NAA15: variants seen among roughly 807,000 people sequenced by gnomAD.
NAA15 encodes the protein N-terminal acetyltransferase.
In NAA15, 34 loss-of-function variants were observed where a neutral mutation model predicts 114.0. That is an observed-to-expected ratio of 0.30 (90% CI 0.23 to 0.40). The LOEUF (loss-of-function observed/expected upper bound fraction) is 0.40. NAA15 is among the 10% of genes least tolerant of loss of function. The probability of loss-of-function intolerance (pLI) is 1.00; values close to 1 mark genes in which losing one functional copy is unlikely to be tolerated. For missense variants in NAA15, 658 were observed against 1,004.5 expected, an observed-to-expected ratio of 0.66 and a Z score of 4.66; for synonymous variants, 340 against 338.0, an observed-to-expected ratio of 1.01 and a Z score of -0.06.
chr4:139,389,239 T>C lies in NAA15; in HGVS notation c.*1155T>C, dbSNP rs1222406284. 1 of 152,480 alleles carries C rather than the reference T, an allele frequency of 6.6e-6. No individual in the cohort carries two copies. The highest frequency in any genetic ancestry group is 2.4e-5 in the African/African-American group (1 of 41,404). 9.4% of individuals were successfully genotyped at this position (152,480 alleles called of 1,614,324 possible). Reference sequence around the variant, plus strand: ...TTTCAAATAACAGACCAGCTTCTTTTTCTTGCAGTTACAGATGTAATTTCC... The same window carrying C: ...TTTCAAATAACAGACCAGCTTCTTTCTCTTGCAGTTACAGATGTAATTTCC... On this transcript the variant is annotated 3_prime_UTR_variant, in exon 20 of 20. Transcript: ENST00000296543.
At position 139,349,591 on chromosome 4, in the gene NAA15, T is replaced by C. The variant is rs1243477924; in HGVS notation, c.811+10T>C. 1 of 1,587,504 alleles carries C rather than the reference T, an allele frequency of 6.3e-7. No homozygotes were observed. The highest frequency in any genetic ancestry group is 1.4e-5 in the African/African-American group (1 of 72,840). ...AAAGCACTCAAGCCAGGTAGTATTG[T>C]TTAAAACTTACTAAGTTTTATTGTT... On this transcript the variant is annotated intron_variant, in intron 7 of 19. Coordinates refer to ENST00000296543, the MANE Select transcript of NAA15 (RefSeq NM_057175.5).
Position 139,351,666 on chromosome 4 carries a change from GA to G in NAA15, c.1014+57del, listed in dbSNP as rs1372866494. ...CTACCATTTCTTTGCTCGGTATTTG[GA>G]ATTATTGATTCTTGATTATCTCTGC... On this transcript the variant is annotated intron_variant, in intron 9 of 19. Coordinates refer to ENST00000296543, the MANE Select transcript of NAA15 (RefSeq NM_057175.5). The G allele has an allele frequency of 1.5e-5, 14 of 926,564 alleles. No individual in the cohort carries two copies. In the African/African-American group the frequency reaches 2.3e-4, roughly 15 times the overall value. The allele number at this position is 926,564 out of a possible 1,614,324, so 57.4% of individuals were successfully genotyped here.
chr4:139,330,787 G>T (rs760552660), intron 1 of NAA15, among the ~76,000 whole-genome samples: 1 of 152,092 alleles, frequency 6.6e-6, no homozygotes, highest in Non-Finnish European at 1.5e-5. Flanking sequence ...CTCCAGTCTG[G>T]GCCACAGAGT....
At chr4:139,340,262 C>T (rs1747337938) in intron 3 of NAA15, among the ~76,000 whole-genome samples, 1 of 152,192 alleles carries the variant, frequency 6.6e-6, no homozygotes, top group African/African-American at 2.4e-5. Context: ...GTGGAGGTTG[C>T]AGTGAGCAAA....
In NAA15 at chr4:139,313,910, C is replaced by T. The variant is rs1284741361; in HGVS notation, c.54+12079C>T. ...TCGGGACATGGAGATTCCTAAAAGT[C>T]GCTGCGCTTTGCAAAATCACGCAAT... On this transcript the variant is annotated intron_variant, in intron 1 of 19. Transcript: ENST00000296543. 7.3e-5 allele frequency among the ~76,000 whole-genome samples: 11 copies of T among 151,692 alleles called. 1 individual carries two copies. The highest frequency in any genetic ancestry group is 5.8e-4 in the East Asian group (3 of 5,162).
chr4:139,344,427 T>A (rs1747514413), intron 6 of NAA15, 88 bp downstream of exon 6: 9 of 1,075,402 alleles, frequency 8.4e-6, no homozygotes, highest in Non-Finnish European at 9.4e-6. Flanking sequence ...CAGTTTCATA[T>A]AATTCAGCTT....
At position 139,390,747 on chromosome 4, in the gene NAA15, GTATT is replaced by G. The variant is rs1222903517; in HGVS notation, c.*2668_*2671del. 1.3e-5 allele frequency: 2 copies of G among 152,122 alleles called. No individual in the cohort carries two copies. The highest frequency in any genetic ancestry group is 2.4e-5 in the African/African-American group (1 of 41,406). 9.4% of individuals were successfully genotyped at this position (152,122 alleles called of 1,614,324 possible). On this transcript the variant is annotated 3_prime_UTR_variant, in exon 20 of 20. Coordinates refer to ENST00000296543, the MANE Select transcript of NAA15 (RefSeq NM_057175.5). ...TATATTTTCAACATTTTTCTGTATCGTATTTATTATGCACAAAAATAAAGTGTGA... is the reference window on the plus strand; with the variant it reads ...TATATTTTCAACATTTTTCTGTATCGTATTATGCACAAAAATAAAGTGTGA...
At chr4:139,322,779 C>G (rs865794502) in intron 1 of NAA15, among the ~76,000 whole-genome samples, 4 of 151,944 alleles carry the variant, frequency 2.6e-5, no homozygotes, top group Admixed American at 6.6e-5. Context: ...GCAACCTCCA[C>G]CTCCTGGGTT....
In NAA15 at chr4:139,336,532, C is replaced by T. The variant is rs1424070948; in HGVS notation, c.140-316C>T. On this transcript the variant is annotated intron_variant, in intron 2 of 19. Coordinates refer to ENST00000296543, the MANE Select transcript of NAA15 (RefSeq NM_057175.5). ...TAATGAAGTAGATATGTAAGGTTAT[C>T]CCATGGAATTCCCCTGAAGAATGAA... Among the ~76,000 whole-genome samples, 3 of 151,794 alleles carry T rather than the reference C, an allele frequency of 2.0e-5. No homozygotes were observed. In the East Asian group the frequency reaches 5.8e-4, roughly 29 times the overall value.
intron 1 of NAA15, among the ~76,000 whole-genome samples, chr4:139,308,128 A>AT (rs978964572): frequency 3.3e-5 from 5 of 151,618 alleles, no homozygotes; most frequent in Non-Finnish European, 4.4e-5. Flanking sequence ...CACCCAGCTA[A>AT]TTTTTTGTAT....
At chr4:139,333,699 A>C (rs1747105795) in intron 1 of NAA15, among the ~76,000 whole-genome samples, 1 of 152,144 alleles carries the variant, frequency 6.6e-6, no homozygotes, top group Non-Finnish European at 1.5e-5. Context: ...TTGGAGTCTG[A>C]GACCAGCCTA....
intron 3 of NAA15, among the ~76,000 whole-genome samples, chr4:139,338,537 T>C (rs978381133): frequency 4.6e-5 from 7 of 152,204 alleles, no homozygotes; most frequent in African/African-American, 1.7e-4. Context: ...AACCTCTGCC[T>C]CCCTGCTTCA....
At chr4:139,330,087 C>G (rs1038721038) in intron 1 of NAA15, among the ~76,000 whole-genome samples, 1 of 152,176 alleles carries the variant, frequency 6.6e-6, no homozygotes, top group Admixed American at 6.5e-5. Flanking sequence ...TTCACCTACT[C>G]CATCATGCCA....
intron 1 of NAA15, among the ~76,000 whole-genome samples, chr4:139,315,038 T>C (rs563173535): frequency 0.023 from 2,774 of 121,572 alleles, 258 homozygotes; most frequent in Admixed American, 0.047. Flanking sequence ...TAGGTTAGGT[T>C]AGGTTAGGTT....
chr4:139,340,661 A>G (rs143377704), intron 3 of NAA15, among the ~76,000 whole-genome samples: 1 of 152,340 alleles, frequency 6.6e-6, no homozygotes, highest in East Asian at 1.9e-4. Context: ...AGGAAACTTA[A>G]TGAGACTGAT....
chr4:139,385,309 T>A (rs28576438), intron 18 of NAA15, among the ~76,000 whole-genome samples: 12 of 125,440 alleles, frequency 9.6e-5, no homozygotes, highest in Non-Finnish European at 9.4e-5. Flanking sequence ...TAATATATAT[T>A]ATATATATAT....
intron 12 of NAA15, among the ~76,000 whole-genome samples, chr4:139,360,124 G>A (rs973352464): frequency 1.3e-5 from 2 of 152,106 alleles, no homozygotes; most frequent in African/African-American, 2.4e-5. Context: ...ATTCATGTAC[G>A]TTCAGATAAA....
intron 1 of NAA15, among the ~76,000 whole-genome samples, chr4:139,330,783 T>C (rs1401160403): frequency 6.6e-6 from 1 of 152,122 alleles, no homozygotes; most frequent in African/African-American, 2.4e-5. Context: ...TGTACTCCAG[T>C]CTGGGCCACA....
intron 1 of NAA15, among the ~76,000 whole-genome samples, chr4:139,330,258 T>A (rs1464620552): frequency 6.6e-6 from 1 of 152,250 alleles, no homozygotes; most frequent in Non-Finnish European, 1.5e-5. Flanking sequence ...CTTTACATCA[T>A]AGCTTCCTTT....
Sources: gnomAD v4.1 joint callset for allele counts (sites outside exome capture counted in the v4.1 genomes callset) on GRCh38, gnomAD v4.1.1 for gene constraint, MANE v1.5 for transcripts, NCBI Gene and HGNC (gene_info 2026-07-23, HGNC 2026-07-21) for gene names.